The following ARHGAP31 variants were observed in gnomAD, a reference collection of about 807,000 sequenced individuals.
The protein encoded by ARHGAP31 is Rho GTPase activating protein 31, also known as rho GTPase-activating protein 31.
A neutral mutation model predicts 113.9 loss-of-function variants in ARHGAP31; 34 were observed. The observed-to-expected ratio is 0.30, with a 90% CI of 0.23 to 0.40. ARHGAP31 has a LOEUF of 0.40. Ranked by LOEUF, ARHGAP31 falls within the 10% of genes least tolerant of loss-of-function variation. The pLI is 1.00. For synonymous variants in ARHGAP31, 650 were observed against 684.8 expected (o/e 0.95, Z 0.79); for missense variants, 1,548 against 1,767.1 (o/e 0.88, Z 2.22).
intron 1 of ARHGAP31, among the ~76,000 whole-genome samples, chr3:119,332,256 A>G (rs559242704): frequency 6.6e-6 from 1 of 151,804 alleles, no homozygotes; most frequent in African/African-American, 2.4e-5. Context: ...CTGGAGTACA[A>G]TGGCATGATC....
In ARHGAP31 at chr3:119,388,308, T is replaced by TATATATATATATATATATATATATATA. The variant is rs1553765977; in HGVS notation, c.683-2477_683-2476insATATATATATATATATATATATATATA. On this transcript the variant is annotated intron_variant, in intron 6 of 11. Coordinates refer to ENST00000264245, the MANE Select transcript of ARHGAP31 (RefSeq NM_020754.4). ...CATATAATATGTATATGTATAATTTTTATATATATATATATATGTACACAT... is the reference window on the plus strand; with the variant it reads ...CATATAATATGTATATGTATAATTTTATATATATATATATATATATATATATATATATATATATATATATGTACACAT... Among the ~76,000 whole-genome samples the TATATATATATATATATATATATATATA allele has an allele frequency of 3.0e-3, 400 of 133,550 alleles. 9 individuals are homozygous for TATATATATATATATATATATATATATA. The highest frequency in any genetic ancestry group is 0.011 in the South Asian group (44 of 4,136). 87.6% of individuals were successfully genotyped at this position (133,550 alleles called of 152,430 possible). A position where few individuals can be genotyped will look rare whatever the true frequency, so the allele number is the denominator to read the frequency against.
chr3:119,349,898 C>T (rs1336990205), intron 1 of ARHGAP31, among the ~76,000 whole-genome samples: 1 of 152,170 alleles, frequency 6.6e-6, no homozygotes, highest in Non-Finnish European at 1.5e-5. Flanking sequence ...TCCATTTCCA[C>T]TATTGAGAAT....
At chr3:119,404,998 T>A (rs1205569316) in intron 10 of ARHGAP31, among the ~76,000 whole-genome samples, 3 of 152,204 alleles carry the variant, frequency 2.0e-5, no homozygotes, top group Non-Finnish European at 4.4e-5. Context: ...CTAGAAACGC[T>A]TGTTAAGGAA....
Position 119,416,435 on chromosome 3 carries a change from A to T in ARHGAP31, c.*171A>T, listed in dbSNP as rs1314342824. 2 of 951,338 alleles carry T rather than the reference A, an allele frequency of 2.1e-6. No individual in the cohort carries two copies. The highest frequency in any genetic ancestry group is 3.2e-6 in the Non-Finnish European group (2 of 630,838). The allele number at this position is 951,338 out of a possible 1,614,324, so 58.9% of individuals were successfully genotyped here. On this transcript the variant is annotated 3_prime_UTR_variant, in exon 12 of 12. Coordinates refer to ENST00000264245, the MANE Select transcript of ARHGAP31 (RefSeq NM_020754.4). ...TATTAATTAGTCCATTTGCTAGAAGAGTGGTCAAGGGAAAAACGAGAGATG... is the reference window on the plus strand; with the variant it reads ...TATTAATTAGTCCATTTGCTAGAAGTGTGGTCAAGGGAAAAACGAGAGATG...
rs61744410 is a variant in ARHGAP31 at position 119,402,370 on chromosome 3, A to G, written c.1618A>G (p.Lys540Glu). 502 of 1,602,840 alleles carry G rather than the reference A, an allele frequency of 3.1e-4. 3 individuals are homozygous for G. In the African/African-American group the frequency reaches 6.2e-3, roughly 20 times the overall value. ...GAGCGGAGGCTGGCCAGAAGAAGAG[A>G]AACCGCTGGGAGCTGAGACTTCTGC... Reference protein sequence around the residue: ...SESGGWPEEEKPLGAETSAAS... With the variant: ...SESGGWPEEEEPLGAETSAAS... Residue 540 changes from lysine to glutamate, a missense_variant, in exon 10 of 12, where the codon AAA becomes GAA. By Grantham distance (56) the Lys-to-Glu change is moderately conservative. Transcript: ENST00000264245.
Position 119,416,009 on chromosome 3 carries a change from G to T in ARHGAP31, c.4080G>T (p.Leu1360=). 1.9e-6 allele frequency: 3 copies of T among 1,614,162 alleles called. No homozygotes were observed. The highest frequency in any genetic ancestry group is 2.5e-6 in the Non-Finnish European group (3 of 1,180,028). The change falls in exon 12 of 12, where the codon CTG becomes CTT. Residue 1360 remains leucine (L), a synonymous_variant. Transcript: ENST00000264245. ...CTCCTTTCCCCATTATGGACCACCT[G>T]CCCCCTTCATCCACAGTGACAGATT... ...FSPPFPIMDH[L]PPSSTVTDSK...
rs988422469 is a variant in ARHGAP31 at position 119,329,983 on chromosome 3, C to T, written c.100+34979C>T. On this transcript the variant is annotated intron_variant, in intron 1 of 11. Transcript: ENST00000264245. The stretch of plus-strand genomic sequence containing the variant: ...AGAAGAGAATGAGTCTGTGTCTATG[C>T]GGGGTGAGTTTCCACTATCATCGGT... The T allele has an allele frequency of 4.8e-5, 47 of 985,446 alleles. No homozygotes were observed. In the African/African-American group the frequency reaches 5.1e-4, roughly 11 times the overall value. 61.0% of individuals were successfully genotyped at this position (985,446 alleles called of 1,614,324 possible). A position where few individuals can be genotyped will look rare whatever the true frequency, so the allele number is the denominator to read the frequency against.
chr3:119,381,776 G>T (rs2080399794), intron 4 of ARHGAP31, among the ~76,000 whole-genome samples: 1 of 152,146 alleles, frequency 6.6e-6, no homozygotes, highest in African/African-American at 2.4e-5. Context: ...CACGAGGTCA[G>T]GAGATCGAGA....
At position 119,362,434 on chromosome 3, in the gene ARHGAP31, C is replaced by A. The variant is rs182424731; in HGVS notation, c.101-2882C>A. Among the ~76,000 whole-genome samples the A allele has an allele frequency of 6.2e-3, 944 of 152,150 alleles. 4 individuals carry two copies. The highest frequency in any genetic ancestry group is 9.1e-3 in the Non-Finnish European group (615 of 67,952). ...CATGGAAGCAAAATTACTCTCAAAT[C>A]AAAAAATGTGCTAAAGAAAGACACA... is the stretch of plus-strand genomic sequence containing the variant. On this transcript the variant is annotated intron_variant, in intron 1 of 11. Transcript: ENST00000264245.
intron 1 of ARHGAP31, among the ~76,000 whole-genome samples, chr3:119,317,306 G>C (rs2079742914): frequency 6.6e-6 from 1 of 151,962 alleles, no homozygotes; most frequent in South Asian, 2.1e-4. Context: ...AGCCTCCCGA[G>C]TAGCTGGCAC....
At chr3:119,385,389 G>A (rs755802925) in intron 6 of ARHGAP31, among the ~76,000 whole-genome samples, 1 of 152,028 alleles carries the variant, frequency 6.6e-6, no homozygotes, top group East Asian at 1.9e-4. Context: ...TTGTGATTAT[G>A]TATAATGCTG....
chr3:119,352,158 A>G (rs1347295676), intron 1 of ARHGAP31, among the ~76,000 whole-genome samples: 1 of 152,230 alleles, frequency 6.6e-6, no homozygotes, highest in African/African-American at 2.4e-5. Flanking sequence ...CCTTCTGTAC[A>G]GTTTCTATGT....
chr3:119,385,909 G>A (rs899621713), intron 6 of ARHGAP31, among the ~76,000 whole-genome samples: 7 of 152,192 alleles, frequency 4.6e-5, no homozygotes, highest in Non-Finnish European at 8.8e-5. Flanking sequence ...TTTGGGAAAT[G>A]TTCTTCTGGA....
intron 1 of ARHGAP31, chr3:119,324,878 T>C (rs1208347005): frequency 8.8e-6 from 4 of 454,146 alleles, no homozygotes; most frequent in Middle Eastern, 3.3e-4. Flanking sequence ...CAAGGTCTCT[T>C]GGTCTCTCAG....
chr3:119,348,070 C>T (rs891402470), intron 1 of ARHGAP31, among the ~76,000 whole-genome samples: 2 of 152,062 alleles, frequency 1.3e-5, no homozygotes, highest in African/African-American at 2.4e-5. Flanking sequence ...GACTGGCGGG[C>T]GAGCCAGCAA....
In ARHGAP31 at chr3:119,357,698, T is replaced by C. The variant is rs1000655254; in HGVS notation, c.101-7618T>C. ...CACTTCTCACTCTTTTTTTCCTCTTTTTCTCCTGGAAGGAGGTTATACTTG... is the reference window on the plus strand; with the variant it reads ...CACTTCTCACTCTTTTTTTCCTCTTCTTCTCCTGGAAGGAGGTTATACTTG... On this transcript the variant is annotated intron_variant, in intron 1 of 11. Transcript: ENST00000264245. Among the ~76,000 whole-genome samples the C allele has an allele frequency of 2.6e-5, 4 of 152,336 alleles. 2 individuals are homozygous for C. The South Asian group carries it at 8.3e-4, about 32-fold the overall frequency.
intron 1 of ARHGAP31, among the ~76,000 whole-genome samples, chr3:119,300,718 T>C (rs1368838475): frequency 6.6e-6 from 1 of 151,340 alleles, no homozygotes; most frequent in Non-Finnish European, 1.5e-5. Flanking sequence ...TCCCAGCTAC[T>C]TGGGAGGCTG....
At chr3:119,358,195 A>C (rs1000718547) in intron 1 of ARHGAP31, among the ~76,000 whole-genome samples, 1 of 152,248 alleles carries the variant, frequency 6.6e-6, no homozygotes, top group Non-Finnish European at 1.5e-5. Context: ...AAAAATGGAC[A>C]AATTATCCAA....
chr3:119,399,341 C>A, intron 9 of ARHGAP31, 80 bp downstream of exon 9: 2 of 1,202,616 alleles, frequency 1.7e-6, no homozygotes, highest in Non-Finnish European at 2.5e-6. Flanking sequence ...AGCTGTCATG[C>A]CTGCTTCTCT....
Sources: allele counts gnomAD v4.1 joint callset (sites outside exome capture counted in the v4.1 genomes callset), GRCh38; gene constraint gnomAD v4.1.1; transcripts MANE v1.5; gene names NCBI Gene and HGNC (gene_info 2026-07-23, HGNC 2026-07-21).